Variants in GPR83 observed in about 807,000 individuals in gnomAD.
The protein encoded by GPR83 is G protein-coupled receptor 83.
In GPR83, 23 loss-of-function variants were observed where a neutral mutation model predicts 28.0. That is an observed-to-expected ratio of 0.82 (90% CI 0.59 to 1.16). The LOEUF is 1.16. GPR83 is among the 50% of genes most tolerant of loss of function. The pLI, the probability that GPR83 is intolerant of heterozygous loss-of-function variation, is 0.00. For synonymous variants in GPR83, 234 were observed against 215.4 expected, an observed-to-expected ratio of 1.09 and a Z score of -0.76; for missense variants, 610 against 536.6, an observed-to-expected ratio of 1.14 and a Z score of -1.35.
In GPR83 at chr11:94,401,058, C is replaced by T. The variant is rs1245557829; in HGVS notation, c.190G>A (p.Glu64Lys). The stretch of plus-strand genomic sequence containing the variant: ...GCTTTCACCGTGGGGTTCTGGGACT[C>T]AGCGCCGTAGCGCCTCCTGCCCACA... Reference protein sequence around the residue: ...NFVGRRRYGAESQNPTVKALL... With the variant: ...NFVGRRRYGAKSQNPTVKALL... The change falls in exon 1 of 4, where the codon GAG becomes AAG. Residue 64 changes from glutamate to lysine, a missense_variant. Coordinates refer to ENST00000243673, the MANE Select transcript of GPR83 (RefSeq NM_016540.4). The T allele has an allele frequency of 1.2e-6, 2 of 1,614,086 alleles. No individual in the cohort carries two copies. Among genetic ancestry groups the T allele is most frequent in the Admixed American group, 1.7e-5 (1 of 60,014 alleles).
chr11:94,380,337 T>C lies in GPR83; in HGVS notation c.1084A>G (p.Met362Val). The part of the protein sequence containing the change: ...FRIELKALLS[M>V]CQRPPKPQED... ...TGAGGCTTGGGAGGTCTTTGACACATGCTCAGTAATGCCTTTAGCTCAATC... is the reference window on the plus strand; with the variant it reads ...TGAGGCTTGGGAGGTCTTTGACACACGCTCAGTAATGCCTTTAGCTCAATC... The change falls in exon 4 of 4, where the codon ATG (methionine) becomes GTG (valine). Residue 362 changes from methionine to valine, a missense_variant. Coordinates refer to ENST00000243673, the MANE Select transcript of GPR83 (RefSeq NM_016540.4). 6.2e-7 allele frequency: 1 copy of C among 1,613,630 alleles called. No homozygotes were observed.
Position 94,378,252 on chromosome 11 carries a change from G to C in GPR83, c.*1897C>G, listed in dbSNP as rs1429493962. 6 of 152,168 alleles carry C rather than the reference G, an allele frequency of 3.9e-5. No homozygotes were observed. Among genetic ancestry groups the C allele is most frequent in the African/African-American group, 1.4e-4 (6 of 41,440 alleles). The allele number at this position is 152,168 out of a possible 1,614,324, so 9.4% of individuals were successfully genotyped here. On this transcript the variant is annotated 3_prime_UTR_variant, in exon 4 of 4. Transcript: ENST00000243673. ...TAAAGAACCCTCATAGTTCATTACA[G>C]GGAAGCAGATGATGTGAGCAAGTTC...
At chr11:94,384,453 G>C (rs1944726916) in intron 3 of GPR83, among the ~76,000 whole-genome samples, 1 of 152,200 alleles carries the variant, frequency 6.6e-6, no homozygotes, top group Non-Finnish European at 1.5e-5. Context: ...TCCAAGAGAG[G>C]TACCGGGTTC....
intron 1 of GPR83, among the ~76,000 whole-genome samples, chr11:94,399,316 A>C (rs939107038): frequency 1.3e-5 from 2 of 152,238 alleles, no homozygotes; most frequent in African/African-American, 4.8e-5. Flanking sequence ...TCAATACGTT[A>C]GACGTAGGCT....
intron 2 of GPR83, 83 bp downstream of exon 2, chr11:94,396,316 A>G: frequency 2.9e-6 from 4 of 1,361,952 alleles, no homozygotes; most frequent in South Asian, 1.2e-5. Context: ...CTGGGCTAAA[A>G]CACTGTCTTC....
intron 1 of GPR83, among the ~76,000 whole-genome samples, chr11:94,398,357 C>A (rs1426147950): frequency 6.6e-6 from 1 of 152,206 alleles, no homozygotes; most frequent in South Asian, 2.1e-4. Context: ...GCCCACTCCT[C>A]CGCTGTGCTT....
chr11:94,387,456 G>C lies in GPR83; in HGVS notation c.647+6029C>G, dbSNP rs1198255767. ...CAAGACTAATAAAGAAGAAAAGAGA[G>C]AAGAATCAAATAGATGCAATAAAAA... On this transcript the variant is annotated intron_variant, in intron 3 of 3. Coordinates refer to ENST00000243673, the MANE Select transcript of GPR83 (RefSeq NM_016540.4). Among the ~76,000 whole-genome samples, 3 of 152,048 alleles carry C rather than the reference G, an allele frequency of 2.0e-5. No homozygotes were observed. The East Asian group carries it at 5.8e-4, about 29-fold the overall frequency.
chr11:94,393,295 A>C (rs146551992), intron 3 of GPR83, among the ~76,000 whole-genome samples, 190 bp downstream of exon 3: 2 of 152,188 alleles, frequency 1.3e-5, no homozygotes, highest in Non-Finnish European at 2.9e-5. Context: ...GAGAGAAAGC[A>C]GACAAAATGT....
chr11:94,389,481 A>AACAAAC (rs1944793128), intron 3 of GPR83, among the ~76,000 whole-genome samples: 1 of 151,688 alleles, frequency 6.6e-6, no homozygotes, highest in Non-Finnish European at 1.5e-5. Flanking sequence ...TTTACAAGAA[A>AACAAAC]AATCAACCCC....
intron 2 of GPR83, among the ~76,000 whole-genome samples, chr11:94,395,443 G>A (rs1944856926): frequency 6.6e-6 from 1 of 152,134 alleles, no homozygotes; most frequent in Non-Finnish European, 1.5e-5. Context: ...GAGCAGCATG[G>A]TCTAGTGACT....
chr11:94,385,386 G>A (rs1463143285), intron 3 of GPR83, among the ~76,000 whole-genome samples: 1 of 152,080 alleles, frequency 6.6e-6, no homozygotes, highest in Non-Finnish European at 1.5e-5. Context: ...GGCTTCAGAC[G>A]ATCAAACTTC....
intron 3 of GPR83, among the ~76,000 whole-genome samples, chr11:94,392,825 CAA>C (rs61184055): frequency 8.5e-5 from 12 of 141,386 alleles, no homozygotes; most frequent in Admixed American, 7.7e-4. Flanking sequence ...GACTCTGTCT[CAA>C]AAAAAAAAAA....
chr11:94,394,115 G>A (rs533593119), intron 2 of GPR83, among the ~76,000 whole-genome samples: 151 of 152,300 alleles, frequency 9.9e-4, no homozygotes, highest in Middle Eastern at 3.4e-3. Context: ...AAGGCTGCTC[G>A]CATGGCACCA....
At chr11:94,385,849 G>A (rs1481242805) in intron 3 of GPR83, among the ~76,000 whole-genome samples, 1 of 152,150 alleles carries the variant, frequency 6.6e-6, no homozygotes. Context: ...TACAGAGAAT[G>A]CCACAAAAGT....
At chr11:94,384,386 A>C (rs543424026) in intron 3 of GPR83, among the ~76,000 whole-genome samples, 3 of 152,328 alleles carry the variant, frequency 2.0e-5, no homozygotes, top group African/African-American at 4.8e-5. Context: ...GAATAGGAAC[A>C]GCTCCAGTCT....
chr11:94,387,721 G>A (rs1162845280), intron 3 of GPR83, among the ~76,000 whole-genome samples: 1 of 152,108 alleles, frequency 6.6e-6, no homozygotes, highest in East Asian at 1.9e-4. Context: ...AGGACCAGAC[G>A]GATTCACAGC....
intron 1 of GPR83, among the ~76,000 whole-genome samples, chr11:94,397,361 G>A (rs1443717102): frequency 1.3e-5 from 2 of 152,204 alleles, no homozygotes; most frequent in Non-Finnish European, 2.9e-5. Context: ...TTGCAGCCAG[G>A]GCAGAGGCGG....
intron 3 of GPR83, among the ~76,000 whole-genome samples, chr11:94,384,417 C>T (rs776260710): frequency 1.4e-4 from 22 of 152,248 alleles, no homozygotes; most frequent in Admixed American, 9.2e-4. Flanking sequence ...GTGTGAGCGA[C>T]GCAGAAGACA....
chr11:94,388,703 G>T (rs1390398866), intron 3 of GPR83, among the ~76,000 whole-genome samples: 7 of 152,220 alleles, frequency 4.6e-5, no homozygotes, highest in Middle Eastern at 3.2e-3. Flanking sequence ...AATATTCCAT[G>T]CTCGTGGGTA....
Sources: gnomAD v4.1 joint callset for allele counts (sites outside exome capture counted in the v4.1 genomes callset) on GRCh38, gnomAD v4.1.1 for gene constraint, MANE v1.5 for transcripts, NCBI Gene and HGNC (gene_info 2026-07-23, HGNC 2026-07-21) for gene names.